The following BARD1 variants were observed in gnomAD, a reference collection of about 807,000 sequenced individuals.
The protein encoded by BARD1 is BRCA1 associated RING domain 1.
In BARD1, 73 loss-of-function variants were observed where a neutral mutation model predicts 77.0. That is an observed-to-expected ratio of 0.95 (90% CI 0.79 to 1.15). The LOEUF is 1.15. BARD1 is among the 50% of genes most tolerant of loss of function. BARD1 has a pLI of 0.00. For missense variants in BARD1, 993 were observed against 938.8 expected, an observed-to-expected ratio of 1.06 and a Z score of -0.75; for synonymous variants, 384 against 338.0, an observed-to-expected ratio of 1.14 and a Z score of -1.49.
Position 214,730,479 on chromosome 2 carries a change from A to G in BARD1, c.1933T>C (p.Cys645Arg), listed in dbSNP as rs2228456. The G allele has an allele frequency of 3.8e-3, 6,062 of 1,613,948 alleles. 198 individuals are homozygous for G. In the African/African-American group the frequency reaches 0.068, roughly 18 times the overall value. ...ATTTCATACTTTTCTTCCTGTTCAC[A>G]TACTTTTCTTCGTAGACATGCTTTT... ...WVKACLRRKV[C>R]EQEEKYEIPE... is the part of the protein sequence containing the mutation. Residue 645 changes from cysteine to arginine, a missense_variant, in exon 10 of 11, where the codon TGT becomes CGT. Physicochemically the swap from Cys to Arg is radical, Grantham distance 180 (BLOSUM62 -3). Transcript: ENST00000260947.
Position 214,767,497 on chromosome 2 carries a change from G to A in BARD1, c.1553C>T (p.Ala518Val), listed in dbSNP as rs758139986. The A allele has an allele frequency of 4.3e-6, 7 of 1,613,590 alleles. No individual in the cohort carries two copies. ...DIVKLLLSYG[A>V]SRNAVNIFGL... ...AACTACTTACACAGCATTTCTGGAG[G>A]CTCCATAGGAAAGTAACAGCTTGAC... is the stretch of plus-strand genomic sequence containing the variant. Residue 518 changes from alanine (A) to valine (V), a missense_variant, in exon 6 of 11, where the codon GCC (alanine) becomes GTC (valine). By Grantham distance (64) the Ala-to-Val change is moderately conservative. Coordinates refer to ENST00000260947, the MANE Select transcript of BARD1 (RefSeq NM_000465.4).
intron 3 of BARD1, among the ~76,000 whole-genome samples, chr2:214,788,247 G>T (rs898252363): frequency 6.6e-6 from 1 of 151,596 alleles, no homozygotes; most frequent in African/African-American, 2.4e-5. Context: ...CACCTGCAAG[G>T]TCTGACTTAA....
At chr2:214,768,796 C>G (rs184870768) in intron 5 of BARD1, among the ~76,000 whole-genome samples, 1 of 152,330 alleles carries the variant, frequency 6.6e-6, no homozygotes, top group East Asian at 1.9e-4. Flanking sequence ...CCTTATATAT[C>G]TACAATTGGA....
At chr2:214,757,791 T>C (rs1435855538) in intron 6 of BARD1, among the ~76,000 whole-genome samples, 3 of 151,986 alleles carry the variant, frequency 2.0e-5, no homozygotes, top group African/African-American at 7.3e-5. Flanking sequence ...ACAGAAAAGG[T>C]TTTGCAGTCT....
chr2:214,744,775 C>T (rs571185864), intron 9 of BARD1, among the ~76,000 whole-genome samples: 6 of 152,176 alleles, frequency 3.9e-5, no homozygotes, highest in African/African-American at 7.2e-5. Flanking sequence ...GGACTACAGG[C>T]GCCCGCCACC....
Position 214,728,467 on chromosome 2 carries a change from GA to G in BARD1, c.*208del. ...ATCAAAAACATGCCAATTTTAAAAA[GA>G]AAAACCTTTAAAAGCAATCCCAGCT... is the stretch of plus-strand genomic sequence containing the variant. On this transcript the variant is annotated 3_prime_UTR_variant, in exon 11 of 11. Transcript: ENST00000260947. 1.7e-6 allele frequency: 1 copy of G among 578,542 alleles called. No individual in the cohort carries two copies. The highest frequency in any genetic ancestry group is 2.1e-5 in the South Asian group (1 of 46,846). The allele number at this position is 578,542 out of a possible 1,614,324, so 35.8% of individuals were successfully genotyped here. A position where few individuals can be genotyped will look rare whatever the true frequency, so the allele number is the denominator to read the frequency against.
rs772680291 is a variant in BARD1 at position 214,726,928 on chromosome 2, A to G, written c.*1748T>C. On this transcript the variant is annotated 3_prime_UTR_variant, in exon 11 of 11. Transcript: ENST00000260947. The stretch of plus-strand genomic sequence containing the variant: ...TCAGGAATTCAGATGCAAGGAACAG[A>G]CACAAACCTGTCTAAAATGTGACCT... 1.1e-4 allele frequency: 26 copies of G among 226,514 alleles called. No homozygotes were observed. The highest frequency in any genetic ancestry group is 1.8e-4 in the Non-Finnish European group (21 of 114,992). The allele number at this position is 226,514 out of a possible 1,614,324, so 14.0% of individuals were successfully genotyped here. A position where few individuals can be genotyped will look rare whatever the true frequency, so the allele number is the denominator to read the frequency against.
At chr2:214,801,996 C>A (rs1454485385) in intron 1 of BARD1, among the ~76,000 whole-genome samples, 6 of 152,086 alleles carry the variant, frequency 3.9e-5, no homozygotes, top group Admixed American at 2.6e-4. Context: ...ATAGCTGAGA[C>A]TACAGGTGCA....
At chr2:214,744,922 C>G in intron 9 of BARD1, 145 bp downstream of exon 9, 2 of 769,090 alleles carry the variant, frequency 2.6e-6, no homozygotes, top group Admixed American at 2.1e-5. Flanking sequence ...TGAGCCACCA[C>G]GCCCAGCCAG....
At chr2:214,731,184 C>T in intron 9 of BARD1, 1 of 205,540 alleles carries the variant, frequency 4.9e-6, no homozygotes, top group Non-Finnish European at 1.0e-5. Context: ...CTGTTCACAG[C>T]TTCAGGTTAA....
At chr2:214,778,053 T>C (rs576414154) in intron 4 of BARD1, among the ~76,000 whole-genome samples, 1 of 151,826 alleles carries the variant, frequency 6.6e-6, no homozygotes, top group South Asian at 2.1e-4. Flanking sequence ...AAAAGTAGCC[T>C]GGCATGATGG....
At chr2:214,754,262 C>G (rs1693592996) in intron 6 of BARD1, among the ~76,000 whole-genome samples, 1 of 150,526 alleles carries the variant, frequency 6.6e-6, no homozygotes, top group South Asian at 2.1e-4. Flanking sequence ...TATATGCCAT[C>G]CAAAAAAAAA....
At chr2:214,735,397 T>C (rs1383790101) in intron 9 of BARD1, among the ~76,000 whole-genome samples, 4 of 152,168 alleles carry the variant, frequency 2.6e-5, no homozygotes, top group Non-Finnish European at 5.9e-5. Context: ...GACACACTTG[T>C]TTGTCAACTA....
At chr2:214,774,758 AC>A (rs1694665459) in intron 4 of BARD1, among the ~76,000 whole-genome samples, 1 of 152,222 alleles carries the variant, frequency 6.6e-6, no homozygotes, top group African/African-American at 2.4e-5. Flanking sequence ...GGCTGTTTCA[AC>A]TTCACTGAAA....
chr2:214,761,432 C>G (rs926276005), intron 6 of BARD1, among the ~76,000 whole-genome samples: 1 of 152,072 alleles, frequency 6.6e-6, no homozygotes, highest in Non-Finnish European at 1.5e-5. Context: ...AAAACCCTAG[C>G]AAATTCATGT....
Position 214,726,640 on chromosome 2 carries a change from CA to C in BARD1, c.*2035del, listed in dbSNP as rs1176939101. The C allele has an allele frequency of 4.3e-6, 1 of 229,888 alleles. No homozygotes were observed. Among genetic ancestry groups the C allele is most frequent in the Non-Finnish European group, 8.6e-6 (1 of 116,174 alleles). 14.2% of individuals were successfully genotyped at this position (229,888 alleles called of 1,614,324 possible). ...TACAAGACACAGGTATATGGAAACA[CA>C]AATAACTTTAATGATTTGTGGTAAA... is the stretch of plus-strand genomic sequence containing the variant. On this transcript the variant is annotated 3_prime_UTR_variant, in exon 11 of 11. Transcript: ENST00000260947.
intron 3 of BARD1, among the ~76,000 whole-genome samples, chr2:214,791,630 C>T (rs1695518191): frequency 6.6e-6 from 1 of 152,048 alleles, no homozygotes; most frequent in African/African-American, 2.4e-5. Context: ...AAACGTTAAC[C>T]CCCACTTAAA....
At chr2:214,738,400 G>A (rs1297894493) in intron 9 of BARD1, among the ~76,000 whole-genome samples, 1 of 152,038 alleles carries the variant, frequency 6.6e-6, no homozygotes, top group East Asian at 1.9e-4. Context: ...AGCAAAGCCT[G>A]GAATTTTTGC....
intron 9 of BARD1, among the ~76,000 whole-genome samples, chr2:214,738,533 AG>A (rs1179887018): frequency 6.6e-6 from 1 of 152,124 alleles, no homozygotes; most frequent in Non-Finnish European, 1.5e-5. Context: ...ACCTCATAAA[AG>A]CATATACATC....
Sources: gnomAD v4.1 joint callset for allele counts (sites outside exome capture counted in the v4.1 genomes callset) on GRCh38, gnomAD v4.1.1 for gene constraint, MANE v1.5 for transcripts, NCBI Gene and HGNC (gene_info 2026-07-23, HGNC 2026-07-21) for gene names.